Variants in NPAS2 observed in about 807,000 individuals in gnomAD.
NPAS2 encodes the protein neuronal PAS domain protein 2, also known as neuronal PAS domain-containing protein 2.
A neutral mutation model predicts 107.5 loss-of-function variants in NPAS2; 23 were observed. The observed-to-expected ratio is 0.21, with a 90% CI of 0.15 to 0.30. The LOEUF is 0.30. NPAS2 is among the 10% of genes least tolerant of loss of function. The probability of loss-of-function intolerance (pLI) is 1.00; values close to 1 mark genes in which losing one functional copy is unlikely to be tolerated. For missense variants in NPAS2, 756 were observed against 1,043.3 expected, an observed-to-expected ratio of 0.72 and a Z score of 3.79; for synonymous variants, 403 against 417.5, an observed-to-expected ratio of 0.97 and a Z score of 0.42.
intron 9 of NPAS2, 34 bp downstream of exon 9, chr2:100,964,977 C>T (rs373559314): frequency 4.2e-6 from 6 of 1,425,696 alleles, no homozygotes; most frequent in Non-Finnish European, 5.7e-6. Flanking sequence ...TGGGTTGGGC[C>T]CTTCTCAAGT....
At chr2:100,892,758 C>T (rs1166334166) in intron 1 of NPAS2, among the ~76,000 whole-genome samples, 1 of 152,128 alleles carries the variant, frequency 6.6e-6, no homozygotes, top group African/African-American at 2.4e-5. Context: ...CTCGCTCTGT[C>T]GCCCAGGCTG....
At chr2:100,886,745 C>G (rs919673521) in intron 1 of NPAS2, among the ~76,000 whole-genome samples, 1 of 152,186 alleles carries the variant, frequency 6.6e-6, no homozygotes, top group Non-Finnish European at 1.5e-5. Context: ...GATTTCCCAT[C>G]TCCTTTAATA....
rs187604714 is a variant in NPAS2, at chr2:100,936,413, G to T, written c.274-1340G>T. Among the ~76,000 whole-genome samples the T allele has an allele frequency of 9.5e-4, 144 of 152,274 alleles. 2 individuals carry two copies. Among genetic ancestry groups the T allele is most frequent in the Non-Finnish European group, 2.8e-4 (19 of 68,034 alleles). On this transcript the variant is annotated intron_variant, in intron 4 of 20. Transcript: ENST00000335681. ...CAGAAAAATGTCCAGATTCGGGGAA[G>T]ATAGTCAAAGAAAAAGTCAGTGAAC...
intron 2 of NPAS2, among the ~76,000 whole-genome samples, chr2:100,906,079 A>C (rs1187705104): frequency 1.3e-5 from 2 of 152,224 alleles, no homozygotes; most frequent in African/African-American, 4.8e-5. Context: ...GGGGACTCTT[A>C]GTACTCTTTA....
chr2:100,916,979 A>C (rs1289714237), intron 2 of NPAS2, among the ~76,000 whole-genome samples: 3 of 152,214 alleles, frequency 2.0e-5, no homozygotes, highest in Admixed American at 1.3e-4. Flanking sequence ...CTAAATAAAA[A>C]TGAACATACA....
intron 2 of NPAS2, among the ~76,000 whole-genome samples, chr2:100,923,690 C>T (rs915656960): frequency 6.6e-6 from 1 of 152,162 alleles, no homozygotes; most frequent in Non-Finnish European, 1.5e-5. Flanking sequence ...GGCCTGGCCT[C>T]TGGGGCCCCT....
chr2:100,939,406 A>G (rs950169463), intron 5 of NPAS2, among the ~76,000 whole-genome samples: 5 of 152,056 alleles, frequency 3.3e-5, no homozygotes, highest in Non-Finnish European at 7.4e-5. Context: ...AGCCATCAGA[A>G]GTGGCTCATC....
At chr2:100,840,111 C>G (rs941512870) in intron 1 of NPAS2, among the ~76,000 whole-genome samples, 3 of 152,110 alleles carry the variant, frequency 2.0e-5, no homozygotes, top group Non-Finnish European at 2.9e-5. Flanking sequence ...TACTGCTGCC[C>G]TGGAACACCC....
chr2:100,859,165 A>G (rs1189894700), intron 1 of NPAS2, among the ~76,000 whole-genome samples: 4 of 152,222 alleles, frequency 2.6e-5, no homozygotes, highest in Admixed American at 2.6e-4. Context: ...GGTGGCTGAA[A>G]GGCATGAGAA....
At chr2:100,955,453 A>G (rs59610453) in intron 7 of NPAS2, among the ~76,000 whole-genome samples, 5,854 of 152,262 alleles carry the variant, frequency 0.038, 365 homozygotes, top group African/African-American at 0.13. Flanking sequence ...GGTGGAGGGC[A>G]GAGCAGGGTT....
At chr2:100,980,867 G>A (rs1189411188) in intron 15 of NPAS2, among the ~76,000 whole-genome samples, 9 of 152,172 alleles carry the variant, frequency 5.9e-5, no homozygotes, top group Admixed American at 2.6e-4. Context: ...GGAGTGTCTT[G>A]TGGGCAAAAC....
At position 100,893,874 on chromosome 2, in the gene NPAS2, C is replaced by A. The variant is rs1389865416; in HGVS notation, c.-22-10859C>A. On this transcript the variant is annotated intron_variant, in intron 1 of 20. Coordinates refer to ENST00000335681, the MANE Select transcript of NPAS2 (RefSeq NM_002518.4). Reference sequence around the variant, plus strand: ...GGATGCTCTGCACCTAAAATAGTTACCAGGTGGCCCTTTGGAGAAAAGGGT... The same window carrying A: ...GGATGCTCTGCACCTAAAATAGTTAACAGGTGGCCCTTTGGAGAAAAGGGT... Among the ~76,000 whole-genome samples the A allele has an allele frequency of 6.6e-5, 10 of 152,180 alleles. 1 individual carries two copies. Among genetic ancestry groups the A allele is most frequent in the Admixed American group, 6.5e-4 (10 of 15,284 alleles).
At position 100,995,967 on chromosome 2, in the gene NPAS2, T is replaced by G; in HGVS notation, c.*385T>G. On this transcript the variant is annotated 3_prime_UTR_variant, in exon 21 of 21. Transcript: ENST00000335681. ...CTGCGCTAGCTGGCCTTCACGCTCT[T>G]GATCGTCTTTCCTTTGTATTGGAGA... 1 of 1,320,724 alleles carries G rather than the reference T, an allele frequency of 7.6e-7. No homozygotes were observed. The highest frequency in any genetic ancestry group is 9.9e-7 in the Non-Finnish European group (1 of 1,012,208). The allele number at this position is 1,320,724 out of a possible 1,614,324, so 81.8% of individuals were successfully genotyped here.
chr2:100,952,347 C>G (rs1304402389), intron 7 of NPAS2, among the ~76,000 whole-genome samples: 3 of 151,886 alleles, frequency 2.0e-5, no homozygotes, highest in Non-Finnish European at 4.4e-5. Flanking sequence ...GGCAGATCAC[C>G]TGAGGTCGGG....
chr2:100,990,715 C>A, intron 18 of NPAS2, 65 bp from the exon 19 acceptor site: 3 of 1,445,522 alleles, frequency 2.1e-6, no homozygotes, highest in South Asian at 1.1e-5. Flanking sequence ...GCAAGTGCTG[C>A]CACGACCAGT....
Position 100,861,718 on chromosome 2 carries a change from G to A in NPAS2, c.-23+41304G>A, listed in dbSNP as rs1678953007. Among the ~76,000 whole-genome samples, 5 of 152,342 alleles carry A rather than the reference G, an allele frequency of 3.3e-5. No individual in the cohort carries two copies. The South Asian group carries it at 6.2e-4, about 19-fold the overall frequency. ...ATCAGGCTGTCCTGGGTAGAAGAGT[G>A]TGTCCTTCAACTCATATTCTGCCTT... is the stretch of plus-strand genomic sequence containing the variant. On this transcript the variant is annotated intron_variant, in intron 1 of 20. Transcript: ENST00000335681.
At chr2:100,922,799 G>A (rs767134952) in intron 2 of NPAS2, among the ~76,000 whole-genome samples, 12 of 152,310 alleles carry the variant, frequency 7.9e-5, no homozygotes, top group South Asian at 2.1e-4. Context: ...TGTCCCAGCC[G>A]GAGGCGGATG....
At chr2:100,839,903 A>G (rs894496964) in intron 1 of NPAS2, among the ~76,000 whole-genome samples, 10 of 152,134 alleles carry the variant, frequency 6.6e-5, no homozygotes, top group African/African-American at 2.2e-4. Flanking sequence ...CAGCTACTCT[A>G]TGTTTAAATA....
chr2:100,945,245 C>A (rs1573685787), intron 5 of NPAS2, among the ~76,000 whole-genome samples: 2 of 152,164 alleles, frequency 1.3e-5, no homozygotes, highest in Non-Finnish European at 2.9e-5. Context: ...CTCCGATCAG[C>A]CACCAAGCTG....
Sources: gnomAD v4.1 joint callset for allele counts (sites outside exome capture counted in the v4.1 genomes callset) on GRCh38, gnomAD v4.1.1 for gene constraint, MANE v1.5 for transcripts, NCBI Gene and HGNC (gene_info 2026-07-23, HGNC 2026-07-21) for gene names.